Variants in WWC1 observed in about 807,000 individuals in gnomAD.
The protein encoded by WWC1 is WW and C2 domain containing 1, also known as protein KIBRA.
In WWC1, 55 loss-of-function variants were observed where a neutral mutation model predicts 138.4. The observed-to-expected ratio is 0.40, with a 90% CI of 0.32 to 0.50. The LOEUF (loss-of-function observed/expected upper bound fraction) is 0.50. WWC1 is among the 20% of genes least tolerant of loss of function. The pLI is 0.72. For missense variants in WWC1, 1,226 were observed against 1,420.4 expected (o/e 0.86, Z 2.20); for synonymous variants, 524 against 564.9 (o/e 0.93, Z 1.03).
chr5:168,443,150 G>A (rs951564471), intron 16 of WWC1, among the ~76,000 whole-genome samples: 8 of 152,148 alleles, frequency 5.3e-5, no homozygotes, highest in Admixed American at 2.6e-4. Flanking sequence ...TCTCTGTAAC[G>A]GTTGTTCCCT....
chr5:168,426,269 T>C (rs9686714), intron 11 of WWC1, among the ~76,000 whole-genome samples: 20,146 of 152,034 alleles, frequency 0.13, 1,932 homozygotes, highest in African/African-American at 0.27. Flanking sequence ...CTCAGAAAAT[T>C]GTTCCCTGGA....
chr5:168,303,219 G>C (rs953154841), intron 1 of WWC1, among the ~76,000 whole-genome samples: 1 of 152,142 alleles, frequency 6.6e-6, no homozygotes, highest in African/African-American at 2.4e-5. Context: ...TGATTATGAG[G>C]ACCATATATC....
chr5:168,389,416 A>C (rs1045999091), intron 3 of WWC1, among the ~76,000 whole-genome samples: 1 of 148,628 alleles, frequency 6.7e-6, no homozygotes, highest in Non-Finnish European at 1.5e-5. Flanking sequence ...GCACCACTGC[A>C]CTCCAGCTTG....
rs1781716797 is a variant in WWC1 at position 168,428,797 on chromosome 5, G to A, written c.2000+10G>A. Reference sequence around the variant, plus strand: ...TTCAGATTGCCCTGAAGTAAGTGACGAGGACGAGGAGGACAGAAGGAACGG... The same window carrying A: ...TTCAGATTGCCCTGAAGTAAGTGACAAGGACGAGGAGGACAGAAGGAACGG... On this transcript the variant is annotated intron_variant, in intron 13 of 22. Coordinates refer to ENST00000265293, the MANE Select transcript of WWC1 (RefSeq NM_015238.3). The A allele has an allele frequency of 1.2e-6, 2 of 1,613,366 alleles. No individual in the cohort carries two copies. Among genetic ancestry groups the A allele is most frequent in the Non-Finnish European group, 1.7e-6 (2 of 1,179,572 alleles).
intron 17 of WWC1, among the ~76,000 whole-genome samples, chr5:168,449,696 G>C (rs7737861): frequency 0.33 from 49,772 of 150,250 alleles, 9,734 homozygotes; most frequent in Middle Eastern, 0.5. Flanking sequence ...GTCTCAGTCT[G>C]CCAAGTGGCT....
intron 1 of WWC1, among the ~76,000 whole-genome samples, chr5:168,349,474 G>C (rs1269828952): frequency 6.6e-6 from 1 of 152,096 alleles, no homozygotes; most frequent in African/African-American, 2.4e-5. Context: ...CCACTCTCCA[G>C]GGCCTCATCC....
At chr5:168,355,583 C>G (rs535929399) in intron 1 of WWC1, among the ~76,000 whole-genome samples, 1 of 150,360 alleles carries the variant, frequency 6.7e-6, no homozygotes, top group Admixed American at 6.6e-5. Context: ...GGACAGGTAA[C>G]TGTCCCAGGC....
chr5:168,444,278 C>G (rs2152874316), intron 16 of WWC1, among the ~76,000 whole-genome samples: 1 of 152,332 alleles, frequency 6.6e-6, no homozygotes, highest in East Asian at 1.9e-4. Flanking sequence ...TAAGTTCATA[C>G]ATACAGGAGC....
At chr5:168,409,667 G>A (rs1221931408) in intron 7 of WWC1, among the ~76,000 whole-genome samples, 3 of 152,228 alleles carry the variant, frequency 2.0e-5, no homozygotes, top group African/African-American at 2.4e-5. Context: ...GGGGCTGCAA[G>A]ATGATATTCT....
chr5:168,438,007 C>T lies in WWC1; in HGVS notation c.2281-3675C>T, dbSNP rs1314210397. Among the ~76,000 whole-genome samples the T allele has an allele frequency of 2.6e-5, 4 of 152,146 alleles. 1 individual carries two copies. In the South Asian group the frequency reaches 6.2e-4, roughly 24 times the overall value. Reference sequence around the variant, plus strand: ...TTAGACAAATATTTGTATATATGTACATTTATTCTGGGTGTCTGAAGTGTG... The same window carrying T: ...TTAGACAAATATTTGTATATATGTATATTTATTCTGGGTGTCTGAAGTGTG... On this transcript the variant is annotated intron_variant, in intron 15 of 22. Coordinates refer to ENST00000265293, the MANE Select transcript of WWC1 (RefSeq NM_015238.3).
At chr5:168,385,072 A>T in intron 2 of WWC1, 139 bp from the exon 3 acceptor site, 1 of 796,238 alleles carries the variant, frequency 1.3e-6, no homozygotes, top group Non-Finnish European at 2.0e-6. Context: ...GTCATTTAGT[A>T]AATGAGTTTG....
chr5:168,324,406 T>A (rs1581921112), intron 1 of WWC1, among the ~76,000 whole-genome samples: 1 of 152,182 alleles, frequency 6.6e-6, no homozygotes, highest in South Asian at 2.1e-4. Context: ...ATACTCCAGC[T>A]TGGGTAACAG....
chr5:168,315,575 T>C (rs1344093464), intron 1 of WWC1, among the ~76,000 whole-genome samples: 1 of 152,076 alleles, frequency 6.6e-6, no homozygotes, highest in Non-Finnish European at 1.5e-5. Context: ...TCTCCTAATA[T>C]GAATCTACCA....
chr5:168,379,261 C>T (rs1237940438), intron 2 of WWC1, among the ~76,000 whole-genome samples: 7 of 152,104 alleles, frequency 4.6e-5, no homozygotes, highest in African/African-American at 1.7e-4. Flanking sequence ...CCAAGATGAT[C>T]TCAAAGGGCC....
intron 1 of WWC1, among the ~76,000 whole-genome samples, chr5:168,352,706 C>A (rs1281290097): frequency 1.3e-5 from 2 of 151,852 alleles, no homozygotes; most frequent in African/African-American, 4.8e-5. Flanking sequence ...GCCTTAGCCT[C>A]CAAAGTAGTT....
At chr5:168,306,680 T>C (rs1200483684) in intron 1 of WWC1, among the ~76,000 whole-genome samples, 1 of 152,164 alleles carries the variant, frequency 6.6e-6, no homozygotes, top group African/African-American at 2.4e-5. Flanking sequence ...GACTGCAACC[T>C]CTGCCTCCTG....
chr5:168,335,643 G>T (rs949368260), intron 1 of WWC1, among the ~76,000 whole-genome samples: 13 of 152,206 alleles, frequency 8.5e-5, no homozygotes, highest in Non-Finnish European at 1.8e-4. Flanking sequence ...AGGTGGAAGT[G>T]CTGGGATAGA....
intron 3 of WWC1, among the ~76,000 whole-genome samples, chr5:168,396,319 G>A (rs1778901709): frequency 6.6e-6 from 1 of 152,166 alleles, no homozygotes; most frequent in South Asian, 2.1e-4. Flanking sequence ...GGAGGCAGAG[G>A]TTGTAGTGAG....
At chr5:168,377,219 C>T (rs369902152) in intron 2 of WWC1, among the ~76,000 whole-genome samples, 3 of 151,862 alleles carry the variant, frequency 2.0e-5, no homozygotes, top group African/African-American at 7.2e-5. Context: ...GGATAGCTGG[C>T]GAGCCATATG....
Sources: gnomAD v4.1 joint callset for allele counts (sites outside exome capture counted in the v4.1 genomes callset) on GRCh38, gnomAD v4.1.1 for gene constraint, MANE v1.5 for transcripts, NCBI Gene and HGNC (gene_info 2026-07-23, HGNC 2026-07-21) for gene names.